NCOA2: variants seen among roughly 807,000 people sequenced by gnomAD.
NCOA2 encodes nuclear receptor coactivator 2.
A neutral mutation model predicts 145.1 loss-of-function variants in NCOA2; 21 were observed. That is an observed-to-expected ratio of 0.14 (90% CI 0.10 to 0.21). The LOEUF (loss-of-function observed/expected upper bound fraction) is 0.21. NCOA2 is among the 10% of genes least tolerant of loss of function. NCOA2 has a pLI of 1.00. For synonymous variants in NCOA2, 619 were observed against 637.5 expected (o/e 0.97, Z 0.44); for missense variants, 1,472 against 1,837.6 (o/e 0.80, Z 3.64).
intron 1 of NCOA2, among the ~76,000 whole-genome samples, chr8:70,390,814 C>CACAT (rs1475049139): frequency 1.3e-5 from 2 of 152,094 alleles, no homozygotes; most frequent in Admixed American, 6.5e-5. Flanking sequence ...CATACACACA[C>CACAT]ACATACATAT....
At chr8:70,165,901 C>T (rs1407165607) in intron 7 of NCOA2, among the ~76,000 whole-genome samples, 1 of 152,168 alleles carries the variant, frequency 6.6e-6, no homozygotes, top group Non-Finnish European at 1.5e-5. Flanking sequence ...CTAACTGCAA[C>T]CTCCGCCTCT....
intron 2 of NCOA2, among the ~76,000 whole-genome samples, chr8:70,264,503 A>T (rs1359961471): frequency 1.3e-5 from 2 of 152,116 alleles, no homozygotes; most frequent in African/African-American, 2.4e-5. Context: ...TCTTAACAAC[A>T]ACAACAACAA....
intron 7 of NCOA2, among the ~76,000 whole-genome samples, chr8:70,165,704 C>T (rs138537980): frequency 2.8e-4 from 43 of 152,276 alleles, no homozygotes; most frequent in African/African-American, 1.0e-3. Context: ...TGTCTCTATC[C>T]TCTCTTTAGT....
rs576806686 is a variant in NCOA2 at position 70,238,096 on chromosome 8, A to C, written c.-19-21332T>G. ...AATATGAGATTCCATGTTGCTCCAG[A>C]AGACAGAAATGACAGGTTCATGGAT... On this transcript the variant is annotated intron_variant, in intron 2 of 22. Transcript: ENST00000452400. Among the ~76,000 whole-genome samples the C allele has an allele frequency of 3.3e-5, 5 of 152,260 alleles. No individual in the cohort carries two copies. The South Asian group carries it at 8.3e-4, about 25-fold the overall frequency.
At chr8:70,272,745 T>A (rs139901676) in intron 2 of NCOA2, among the ~76,000 whole-genome samples, 1 of 152,320 alleles carries the variant, frequency 6.6e-6, no homozygotes, top group Admixed American at 6.5e-5. Context: ...GGACACCATG[T>A]TAGATATAAC....
intron 4 of NCOA2, among the ~76,000 whole-genome samples, chr8:70,189,118 T>C (rs1337384093): frequency 6.6e-6 from 1 of 152,188 alleles, no homozygotes; most frequent in Non-Finnish European, 1.5e-5. Flanking sequence ...TTCTTTTTCC[T>C]CCGGACACGC....
At chr8:70,165,716 C>T (rs1033829486) in intron 7 of NCOA2, among the ~76,000 whole-genome samples, 2 of 152,148 alleles carry the variant, frequency 1.3e-5, no homozygotes, top group Admixed American at 6.5e-5. Flanking sequence ...CTCTTTAGTA[C>T]CATTGTATTT....
At chr8:70,451,493 C>T in the NCOA2 span, among the ~76,000 whole-genome samples, 17 of 151,448 alleles carry the variant, frequency 1.1e-4, no homozygotes, top group African/African-American at 4.8e-5. Flanking sequence ...TCTAAGCCAC[C>T]GTAGTACACA....
At chr8:70,129,377 T>A (rs1329268833) in intron 16 of NCOA2, among the ~76,000 whole-genome samples, 1 of 152,218 alleles carries the variant, frequency 6.6e-6, no homozygotes, top group Non-Finnish European at 1.5e-5. Flanking sequence ...TTTAATTAGA[T>A]AACCTCTTTG....
chr8:70,439,748 G>T, the NCOA2 span, among the ~76,000 whole-genome samples: 1 of 152,196 alleles, frequency 6.6e-6, no homozygotes. Context: ...CGCGGAGGAG[G>T]CTTCTGCTGC....
chr8:70,415,525 T>G, the NCOA2 span, among the ~76,000 whole-genome samples: 1 of 152,230 alleles, frequency 6.6e-6, no homozygotes, highest in Non-Finnish European at 1.5e-5. Context: ...ATGAAGGGGT[T>G]GCAGAATATA....
Position 70,368,784 on chromosome 8 carries a change from C to T in NCOA2, c.-77+34916G>A, listed in dbSNP as rs942729316. 1.1e-4 allele frequency among the ~76,000 whole-genome samples: 17 copies of T among 152,068 alleles called. 1 individual carries two copies. Among genetic ancestry groups the T allele is most frequent in the Non-Finnish European group, 2.5e-4 (17 of 68,010 alleles). On this transcript the variant is annotated intron_variant, in intron 1 of 22. Transcript: ENST00000452400. ...CACAGTTTCATTAATTCTGTTGGGC[C>T]GTAAGGGTGCCCTTTGGGTACTGAC...
chr8:70,175,828 A>G (rs1457805136), intron 4 of NCOA2, among the ~76,000 whole-genome samples: 1 of 152,104 alleles, frequency 6.6e-6, no homozygotes, highest in Non-Finnish European at 1.5e-5. Flanking sequence ...CTGTAAATCA[A>G]TTTAGCACTC....
chr8:70,453,082 C>G, the NCOA2 span, among the ~76,000 whole-genome samples: 11 of 152,180 alleles, frequency 7.2e-5, no homozygotes, highest in African/African-American at 2.4e-4. Context: ...CAGAAGTGCC[C>G]CAACCTAACA....
At chr8:70,433,542 T>C in the NCOA2 span, among the ~76,000 whole-genome samples, 3 of 152,162 alleles carry the variant, frequency 2.0e-5, no homozygotes, top group African/African-American at 2.4e-5. Flanking sequence ...GTGTGAGTGG[T>C]GATGGAATGG....
intron 1 of NCOA2, among the ~76,000 whole-genome samples, chr8:70,382,017 T>C (rs942957260): frequency 6.6e-6 from 1 of 152,190 alleles, no homozygotes; most frequent in Non-Finnish European, 1.5e-5. Context: ...TACCAAATCA[T>C]CCTCTAAATC....
intron 1 of NCOA2, among the ~76,000 whole-genome samples, chr8:70,343,044 T>C (rs1170365889): frequency 6.6e-6 from 1 of 152,152 alleles, no homozygotes; most frequent in Non-Finnish European, 1.5e-5. Flanking sequence ...AAGATAAATA[T>C]TTAGTATCCT....
chr8:70,196,189 A>C (rs1201241188), intron 4 of NCOA2, among the ~76,000 whole-genome samples: 1 of 152,160 alleles, frequency 6.6e-6, no homozygotes, highest in African/African-American at 2.4e-5. Context: ...CAGCCTGGAC[A>C]ACATGGTGAA....
chr8:70,394,664 A>C (rs1384812929), intron 1 of NCOA2, among the ~76,000 whole-genome samples: 2 of 152,216 alleles, frequency 1.3e-5, no homozygotes, highest in African/African-American at 4.8e-5. Flanking sequence ...TACAGTTTTC[A>C]CCAATCTTAA....
Sources: allele counts gnomAD v4.1 joint callset (sites outside exome capture counted in the v4.1 genomes callset), GRCh38; gene constraint gnomAD v4.1.1; transcripts MANE v1.5; gene names NCBI Gene and HGNC (gene_info 2026-07-23, HGNC 2026-07-21).